Variants in PDGFA observed in about 807,000 individuals in gnomAD.
PDGFA encodes the protein platelet derived growth factor subunit A, also known as platelet-derived growth factor subunit A.
A neutral mutation model predicts 25.6 loss-of-function variants in PDGFA; 9 were observed. The ratio of observed to expected loss-of-function variants is 0.35; its 90% CI spans 0.21 to 0.61. The LOEUF (loss-of-function observed/expected upper bound fraction) is 0.61, where lower values mean the gene tolerates loss of function less well. Ranked by LOEUF, PDGFA falls within the 20% of genes least tolerant of loss-of-function variation. PDGFA has a pLI of 0.75. For synonymous variants in PDGFA, 133 were observed against 111.8 expected, an observed-to-expected ratio of 1.19 and a Z score of -1.20; for missense variants, 242 against 272.8, an observed-to-expected ratio of 0.89 and a Z score of 0.79.
At position 501,142 on chromosome 7, in the gene PDGFA, T is replaced by G. The variant is rs1008179895; in HGVS notation, c.554A>C (p.Asn185Thr). Reference sequence around the variant, plus strand: ...CGTGTCCTCTTCCCGATAATCCGGATTCAGGCTTGTGGTCGCGCAGGCGCA... The same window carrying G: ...CGTGTCCTCTTCCCGATAATCCGGAGTCAGGCTTGTGGTCGCGCAGGCGCA... The change falls in exon 5 of 6, where the codon AAT becomes ACT. Residue 185 changes from asparagine (N) to threonine (T), a missense_variant. Coordinates refer to ENST00000402802, the Ensembl canonical transcript of PDGFA. The G allele has an allele frequency of 3.1e-6, 5 of 1,614,068 alleles. No individual in the cohort carries two copies. The African/African-American group carries it at 5.3e-5, about 17-fold the overall frequency.
chr7:516,156 G>A (rs1783089236), intron 2 of PDGFA, among the ~76,000 whole-genome samples: 1 of 146,330 alleles, frequency 6.8e-6, no homozygotes, highest in Non-Finnish European at 1.5e-5. Flanking sequence ...GAGGGATCCG[G>A]TCAAAATCCC....
At chr7:519,861 G>T (rs1368156118), upstream of PDGFA, 1 of 148,286 alleles carries the variant, frequency 6.7e-6, no homozygotes, top group East Asian at 2.0e-4. Context: ...CCGGCCGGCG[G>T]CGGGGAGAGG....
intron 3 of PDGFA, 84 bp from the exon 4 acceptor site, chr7:511,080 C>T: frequency 9.1e-7 from 1 of 1,102,070 alleles, no homozygotes; most frequent in Non-Finnish European, 1.3e-6. Flanking sequence ...CCAGCTGGGC[C>T]TGGGGGGCAA....
At chr7:510,230 C>T (rs923397031) in intron 4 of PDGFA, among the ~76,000 whole-genome samples, 10 of 152,102 alleles carry the variant, frequency 6.6e-5, no homozygotes, top group African/African-American at 2.2e-4. Flanking sequence ...AGAGCAGAAG[C>T]CCCGGCCGGC....
Position 519,173 on chromosome 7 carries a change from G to T in PDGFA, c.-172C>A. On this transcript the variant is annotated 5_prime_UTR_variant, in exon 1 of 6. Coordinates refer to ENST00000402802, the Ensembl canonical transcript of PDGFA. The stretch of plus-strand genomic sequence containing the variant: ...AGCGCGCCCGGCGCGAGCAGTGAGT[G>T]CGGAGAGGCAGGCAGCGCCAGCCAG... The T allele has an allele frequency of 8.3e-6, 4 of 479,122 alleles. 1 individual carries two copies. Among genetic ancestry groups the T allele is most frequent in the Non-Finnish European group, 1.5e-5 (4 of 272,460 alleles). The allele number at this position is 479,122 out of a possible 1,614,324, so 29.7% of individuals were successfully genotyped here. A position where few individuals can be genotyped will look rare whatever the true frequency, so the allele number is the denominator to read the frequency against.
Position 500,841 on chromosome 7 carries a change from G to C in PDGFA, c.580+275C>G. 1 of 1,503,584 alleles carries C rather than the reference G, an allele frequency of 6.7e-7. No homozygotes were observed. Among genetic ancestry groups the C allele is most frequent in the East Asian group, 2.5e-5 (1 of 39,914 alleles). 93.1% of individuals were successfully genotyped at this position (1,503,584 alleles called of 1,614,324 possible). A position where few individuals can be genotyped will look rare whatever the true frequency, so the allele number is the denominator to read the frequency against. On this transcript the variant is annotated intron_variant, in intron 5 of 5. Transcript: ENST00000402802. The surrounding 1 kb of genome is among the most constrained non-coding windows in gnomAD (Gnocchi z 5.0). Reference sequence around the variant, plus strand: ...GCCCCGCAGCCCACTAATGAATTGGGTGTCTTATGCACTCCCAGCCCCTCT... The same window carrying C: ...GCCCCGCAGCCCACTAATGAATTGGCTGTCTTATGCACTCCCAGCCCCTCT...
Position 500,753 on chromosome 7 carries a change from C to T in PDGFA, c.580+363G>A. 6.9e-7 allele frequency: 1 copy of T among 1,440,744 alleles called. No homozygotes were observed. Among genetic ancestry groups the T allele is most frequent in the Non-Finnish European group, 9.1e-7 (1 of 1,100,904 alleles). The allele number at this position is 1,440,744 out of a possible 1,614,324, so 89.2% of individuals were successfully genotyped here. On this transcript the variant is annotated intron_variant, in intron 5 of 5. Transcript: ENST00000402802. The surrounding 1 kb of genome is among the most constrained non-coding windows in gnomAD (Gnocchi z 5.0). Reference sequence around the variant, plus strand: ...CCCAGCCAGCCAGGGCAACTGCAGTCCTCGAACCTGCTCCTCCCGCCCACC... The same window carrying T: ...CCCAGCCAGCCAGGGCAACTGCAGTTCTCGAACCTGCTCCTCCCGCCCACC...
At chr7:497,953 A>AC (rs1562481618) in exon 6 of PDGFA, 6 of 115,162 alleles carry the variant, frequency 5.2e-5, no homozygotes, top group East Asian at 2.5e-4. Context: ...AAAAAAAAAA[A>AC]AAAAACAAAA....
At chr7:497,303 AGAACATAGCAGGCTCTCAG>A (rs2128385771) in exon 6 of PDGFA, 1 of 152,292 alleles carries the variant, frequency 6.6e-6, no homozygotes, top group African/African-American at 2.4e-5. Context: ...CAACAAAAAA[AGAACATAGCAGGCTCTCAG>A]GTATACAAAA....
chr7:501,188 T>A, exon 5 of PDGFA: 1 of 1,614,178 alleles, frequency 6.2e-7, no homozygotes, highest in Non-Finnish European at 8.5e-7. Flanking sequence ...TCCTCTAACC[T>A]CACCTGGACT....
rs921690794 is a variant in PDGFA at position 512,275 on chromosome 7, C to G, written c.265+76G>C. The G allele has an allele frequency of 3.7e-5, 52 of 1,395,844 alleles. No individual in the cohort carries two copies. In the African/African-American group the frequency reaches 6.9e-4, roughly 18 times the overall value. The allele number at this position is 1,395,844 out of a possible 1,614,324, so 86.5% of individuals were successfully genotyped here. On this transcript the variant is annotated intron_variant, in intron 3 of 5. Transcript: ENST00000402802. ...GCGGGCAGCTCCTCCCCACCCGGCCCTGCCCTGCCCATCGCGGCCTCCTGG... is the reference window on the plus strand; with the variant it reads ...GCGGGCAGCTCCTCCCCACCCGGCCGTGCCCTGCCCATCGCGGCCTCCTGG...
rs200577944 is a variant in PDGFA at position 512,572 on chromosome 7, C to T, written c.161-117G>A. 130 of 1,555,996 alleles carry T rather than the reference C, an allele frequency of 8.4e-5. No individual in the cohort carries two copies. The East Asian group carries it at 2.6e-3, about 31-fold the overall frequency. Reference sequence around the variant, plus strand: ...GAGCCACTGGGGAACAGGCACCTGGCGGCACAGCCCCTCACAGCTCCCGCC... The same window carrying T: ...GAGCCACTGGGGAACAGGCACCTGGTGGCACAGCCCCTCACAGCTCCCGCC... On this transcript the variant is annotated intron_variant, in intron 2 of 5. Transcript: ENST00000402802.
intron 1 of PDGFA, among the ~76,000 whole-genome samples, chr7:518,103 C>A (rs576082732): frequency 6.6e-6 from 1 of 152,278 alleles, no homozygotes; most frequent in South Asian, 2.1e-4. Flanking sequence ...ACTAAGACGC[C>A]CAAATCCAGC....
At chr7:510,363 A>G (rs1032382462) in intron 4 of PDGFA, among the ~76,000 whole-genome samples, 1 of 151,716 alleles carries the variant, frequency 6.6e-6, no homozygotes, top group Non-Finnish European at 1.5e-5. Context: ...GTGGCCTCCC[A>G]GGAGGGACCC....
chr7:518,711 C>T (rs1472566274), intron 1 of PDGFA, among the ~76,000 whole-genome samples: 2 of 152,202 alleles, frequency 1.3e-5, no homozygotes, highest in African/African-American at 2.4e-5. Flanking sequence ...CACTCGTCCA[C>T]CTCGCTGCTC....
chr7:517,827 G>A lies in PDGFA; in HGVS notation c.64-337C>T, dbSNP rs1022968420. ...AGGTCTAGGGGGCAGCGAGGGGGCC[G>A]AAAGTTTCTGATTTAATAGTGAGAT... On this transcript the variant is annotated intron_variant, in intron 1 of 5. Coordinates refer to ENST00000402802, the Ensembl canonical transcript of PDGFA. The surrounding 1 kb of genome is among the most constrained non-coding windows in gnomAD (Gnocchi z 7.4). Among the ~76,000 whole-genome samples, 18 of 151,976 alleles carry A rather than the reference G, an allele frequency of 1.2e-4. No homozygotes were observed. Among genetic ancestry groups the A allele is most frequent in the Admixed American group, 1.0e-3 (16 of 15,272 alleles).
At chr7:507,186 T>G (rs757385343) in intron 4 of PDGFA, among the ~76,000 whole-genome samples, 2 of 152,160 alleles carry the variant, frequency 1.3e-5, no homozygotes, top group Non-Finnish European at 2.9e-5. Context: ...AAGCCGGATG[T>G]TTTCCTCCAA....
intron 4 of PDGFA, among the ~76,000 whole-genome samples, chr7:502,730 G>A (rs1471747214): frequency 6.6e-6 from 1 of 151,668 alleles, no homozygotes; most frequent in Admixed American, 6.6e-5. Context: ...CCAGGCCAGA[G>A]AGGGGAGCTT....
At chr7:515,685 TGGGGCAG>T (rs1225499556) in intron 2 of PDGFA, among the ~76,000 whole-genome samples, 1 of 152,110 alleles carries the variant, frequency 6.6e-6, no homozygotes, top group African/African-American at 2.4e-5. Context: ...CTGCATTCCC[TGGGGCAG>T]GAGGAGAGAG....
Sources: gnomAD v4.1 joint callset for allele counts (sites outside exome capture counted in the v4.1 genomes callset) on GRCh38, gnomAD v4.1.1 for gene constraint, Gnocchi (gnomAD v3.1) non-coding constraint, MANE v1.5 for transcripts, NCBI Gene and HGNC (gene_info 2026-07-23, HGNC 2026-07-21) for gene names.